Variants in CACNA1E observed in about 807,000 individuals in gnomAD.
The protein encoded by CACNA1E is voltage-dependent R-type calcium channel subunit alpha-1E.
In CACNA1E, 40 loss-of-function variants were observed where a neutral mutation model predicts 259.2. The observed-to-expected ratio is 0.15, with a 90% CI of 0.12 to 0.20. The LOEUF (loss-of-function observed/expected upper bound fraction) is 0.20, where lower values mean the gene tolerates loss of function less well. CACNA1E is among the 10% of genes least tolerant of loss of function. The probability of loss-of-function intolerance (pLI) is 1.00; values close to 1 mark genes in which losing one functional copy is unlikely to be tolerated. For synonymous variants in CACNA1E, 1,104 were observed against 1,138.5 expected (o/e 0.97, Z 0.61); for missense variants, 1,874 against 3,040.1 (o/e 0.62, Z 9.02).
In CACNA1E at chr1:181,781,432, G is replaced by A. The variant is rs1393608493; in HGVS notation, c.5273G>A (p.Arg1758His). 4.5e-6 allele frequency: 7 copies of A among 1,560,318 alleles called. No individual in the cohort carries two copies. The highest frequency in any genetic ancestry group is 1.2e-5 in the South Asian group (1 of 86,058). ...TCACCACCCTCCATGAGCAGTGGCC[G>A]CATCCATTACACTGAGATGTATGAA... is the stretch of plus-strand genomic sequence containing the variant. ...WAEYDRAACG[R>H]IHYTEMYEML... The change falls in exon 39 of 48, where the codon CGC (arginine) becomes CAC (histidine). Residue 1758 changes from arginine to histidine, a missense_variant. Arg to His is a conservative substitution (Grantham distance 29). Transcript: ENST00000367573.
At chr1:181,379,581 G>T (rs893447206) in intron 1 of CACNA1E, among the ~76,000 whole-genome samples, 1 of 152,250 alleles carries the variant, frequency 6.6e-6, no homozygotes, top group Admixed American at 6.5e-5. Context: ...TGTCTGGTGA[G>T]GTCTCACTTT....
At chr1:181,469,706 A>T (rs954156882) in intron 2 of CACNA1E, among the ~76,000 whole-genome samples, 1 of 152,104 alleles carries the variant, frequency 6.6e-6, no homozygotes, top group Non-Finnish European at 1.5e-5. Flanking sequence ...CACATTTAGG[A>T]GGCAGGAGAA....
chr1:181,723,847 A>G (rs1654638425), intron 16 of CACNA1E, among the ~76,000 whole-genome samples: 1 of 152,188 alleles, frequency 6.6e-6, no homozygotes, highest in Non-Finnish European at 1.5e-5. Context: ...CCTCTCCGGG[A>G]GTGCCAGTCT....
chr1:181,779,819 TACACACACACACACAC>T (rs56301632), intron 38 of CACNA1E, among the ~76,000 whole-genome samples: 2 of 148,292 alleles, frequency 1.3e-5, no homozygotes, highest in African/African-American at 2.5e-5. Context: ...TATGCACATG[TACACACACACACACAC>T]ACACACACAC....
chr1:181,464,489 T>G (rs1662025546), intron 2 of CACNA1E, among the ~76,000 whole-genome samples: 1 of 152,028 alleles, frequency 6.6e-6, no homozygotes, highest in African/African-American at 2.4e-5. Context: ...CATGGTGTCT[T>G]CTTATCATTA....
intron 1 of CACNA1E, among the ~76,000 whole-genome samples, chr1:181,355,078 A>G (rs1227195789): frequency 6.6e-6 from 1 of 152,182 alleles, no homozygotes; most frequent in Non-Finnish European, 1.5e-5. Context: ...CAATACACAT[A>G]AAATAGTCCC....
chr1:181,336,999 T>TATA lies in CACNA1E; in HGVS notation c.-15+18876_-15+18877insATA, dbSNP rs536884722. Among the ~76,000 whole-genome samples, 346 of 148,298 alleles carry TATA rather than the reference T, an allele frequency of 2.3e-3. 3 individuals carry two copies. The highest frequency in any genetic ancestry group is 7.0e-3 in the African/African-American group (284 of 40,782). ...AATATAGATATTTATATATCTATAT[T>TATA]TATTTTAATTTTCTTTATATCTATA... On this transcript the variant is annotated intron_variant, in intron 1 of 11. Transcript: ENST00000524607.
chr1:181,495,850 C>G (rs943884986), intron 1 of CACNA1E, among the ~76,000 whole-genome samples: 1 of 152,224 alleles, frequency 6.6e-6, no homozygotes, highest in Non-Finnish European at 1.5e-5. Context: ...ATATATAACA[C>G]TTATTGAACA....
At chr1:181,478,121 C>T (rs1489719430) in intron 2 of CACNA1E, among the ~76,000 whole-genome samples, 1 of 152,252 alleles carries the variant, frequency 6.6e-6, no homozygotes, top group East Asian at 1.9e-4. Flanking sequence ...AAGTCCCTGA[C>T]TCTCTGGGTG....
intron 1 of CACNA1E, among the ~76,000 whole-genome samples, chr1:181,348,985 G>T (rs958463990): frequency 1.3e-5 from 2 of 152,148 alleles, no homozygotes; most frequent in African/African-American, 4.8e-5. Context: ...TCCAGTGCTT[G>T]TCCCACCAGC....
intron 1 of CACNA1E, among the ~76,000 whole-genome samples, chr1:181,387,046 G>A (rs191614812): frequency 6.6e-6 from 1 of 152,316 alleles, no homozygotes; most frequent in Non-Finnish European, 1.5e-5. Context: ...AGATACCAGT[G>A]TTGCAGATGG....
intron 12 of CACNA1E, among the ~76,000 whole-genome samples, chr1:181,718,785 T>C (rs1158091411): frequency 6.6e-6 from 1 of 152,220 alleles, no homozygotes; most frequent in African/African-American, 2.4e-5. Context: ...ACGTATCTTT[T>C]ATTTTTGTCC....
chr1:181,356,873 G>A (rs780958356), intron 1 of CACNA1E, among the ~76,000 whole-genome samples: 8 of 152,064 alleles, frequency 5.3e-5, no homozygotes, highest in Non-Finnish European at 1.0e-4. Context: ...AGCTTTTAGA[G>A]TATTCTTTGG....
intron 3 of CACNA1E, among the ~76,000 whole-genome samples, chr1:181,556,852 A>G (rs1648776988): frequency 6.6e-6 from 1 of 152,142 alleles, no homozygotes; most frequent in Non-Finnish European, 1.5e-5. Context: ...GAGGTGTGAA[A>G]TGTGGGTTTG....
intron 6 of CACNA1E, among the ~76,000 whole-genome samples, chr1:181,588,681 G>A (rs569986803): frequency 6.3e-4 from 96 of 152,306 alleles, no homozygotes; most frequent in African/African-American, 2.1e-3. Context: ...TAGCCATTAG[G>A]CTGGCTCAGG....
Position 181,800,715 on chromosome 1 carries a change from C to G in CACNA1E, c.*1881C>G, listed in dbSNP as rs1001214956. 1 of 152,724 alleles carries G rather than the reference C, an allele frequency of 6.5e-6. No individual in the cohort carries two copies. The highest frequency in any genetic ancestry group is 3.4e-3 in the Middle Eastern group (1 of 294). The allele number at this position is 152,724 out of a possible 1,614,324, so 9.5% of individuals were successfully genotyped here. A position where few individuals can be genotyped will look rare whatever the true frequency, so the allele number is the denominator to read the frequency against. On this transcript the variant is annotated 3_prime_UTR_variant, in exon 48 of 48. Transcript: ENST00000367573. ...GAGTTGTTATTTTTCTTAGAAGGAG[C>G]CTCTTTTCCCTCTATTTTTTAAATT...
At chr1:181,651,308 G>A (rs1658738032) in intron 6 of CACNA1E, 30 bp from the exon 7 acceptor site, 1 of 1,425,630 alleles carries the variant, frequency 7.0e-7, no homozygotes, top group African/African-American at 1.4e-5. Context: ...ATGGCTTTAA[G>A]TATTAAGGAA....
At position 181,441,048 on chromosome 1, in the gene CACNA1E, A is replaced by G. The variant is rs1660440776; in HGVS notation, c.434+27468A>G. ...CCCAGCTCTTCCCAAAGTCTGGAAA[A>G]GCAGGCTTCCTGGCCCCTAGGGGCT... On this transcript the variant is annotated intron_variant, in intron 2 of 11. Coordinates refer to the CACNA1E transcript ENST00000524607. Among the ~76,000 whole-genome samples, 2 of 150,126 alleles carry G rather than the reference A, an allele frequency of 1.3e-5. 1 individual carries two copies. Among genetic ancestry groups the G allele is most frequent in the South Asian group, 4.2e-4 (2 of 4,716 alleles).
intron 7 of CACNA1E, among the ~76,000 whole-genome samples, chr1:181,704,872 A>G (rs1340740337): frequency 6.6e-6 from 1 of 152,174 alleles, no homozygotes; most frequent in African/African-American, 2.4e-5. Flanking sequence ...TTCTTACCCC[A>G]GCCGACCTAC....
Sources: allele counts gnomAD v4.1 joint callset (sites outside exome capture counted in the v4.1 genomes callset), GRCh38; gene constraint gnomAD v4.1.1; transcripts MANE v1.5; gene names NCBI Gene and HGNC (gene_info 2026-07-23, HGNC 2026-07-21).